The following FAM13A variants were observed in gnomAD, a reference collection of about 807,000 sequenced individuals.
FAM13A encodes family with sequence similarity 13 member A, also known as protein FAM13A.
FAM13A carries 76 observed loss-of-function variants against 129.6 expected under a neutral mutation model. The ratio of observed to expected loss-of-function variants is 0.59; its 90% CI spans 0.49 to 0.71. The LOEUF (loss-of-function observed/expected upper bound fraction) is 0.71, where lower values mean the gene tolerates loss of function less well. Among genes scored for constraint, FAM13A ranks in the 30% least tolerant of loss-of-function variants. FAM13A has a pLI of 0.00. For synonymous variants in FAM13A, 443 were observed against 449.9 expected (o/e 0.98, Z 0.20); for missense variants, 1,108 against 1,249.3 (o/e 0.89, Z 1.70).
intron 5 of FAM13A, among the ~76,000 whole-genome samples, chr4:88,920,595 T>C (rs7697878): frequency 2.6e-5 from 4 of 151,784 alleles, no homozygotes; most frequent in South Asian, 2.1e-4. Flanking sequence ...ACCACAAAGA[T>C]GGGGAAAAAA....
At chr4:88,877,464 A>C (rs1157931467) in intron 6 of FAM13A, among the ~76,000 whole-genome samples, 2 of 152,240 alleles carry the variant, frequency 1.3e-5, no homozygotes, top group African/African-American at 4.8e-5. Context: ...GAATTATTGT[A>C]GAAAGTCCTT....
intron 7 of FAM13A, among the ~76,000 whole-genome samples, chr4:88,821,855 A>C (rs1394315585): frequency 1.3e-5 from 2 of 152,188 alleles, no homozygotes; most frequent in Non-Finnish European, 2.9e-5. Context: ...TTCCCATGAC[A>C]GTGTCCTTGT....
intron 4 of FAM13A, among the ~76,000 whole-genome samples, chr4:88,943,093 A>G (rs141224404): frequency 1.9e-4 from 29 of 152,334 alleles, no homozygotes; most frequent in East Asian, 1.3e-3. Context: ...AAATCTTACA[A>G]TTATGACTTT....
intron 3 of FAM13A, among the ~76,000 whole-genome samples, chr4:89,014,288 A>G (rs536202506): frequency 6.6e-6 from 1 of 152,318 alleles, no homozygotes; most frequent in South Asian, 2.1e-4. Context: ...TTTACTTCAC[A>G]AATACCTATT....
chr4:88,968,271 C>T (rs1030333321), intron 4 of FAM13A, among the ~76,000 whole-genome samples: 1 of 152,202 alleles, frequency 6.6e-6, no homozygotes, highest in Non-Finnish European at 1.5e-5. Context: ...TTAAGAAATA[C>T]TTTTCCTCCT....
chr4:89,009,850 T>C (rs1047277598), intron 3 of FAM13A, among the ~76,000 whole-genome samples: 8 of 151,752 alleles, frequency 5.3e-5, no homozygotes, highest in Non-Finnish European at 1.2e-4. Flanking sequence ...CAAGGAAGAG[T>C]ATTTTAGGTG....
chr4:88,892,141 T>A (rs552254101), intron 6 of FAM13A, among the ~76,000 whole-genome samples: 7 of 147,298 alleles, frequency 4.8e-5, no homozygotes, highest in Non-Finnish European at 1.0e-4. Context: ...GCTGCTGCAC[T>A]CCAGCCTGGG....
chr4:89,003,592 A>G (rs1432027492), intron 3 of FAM13A, among the ~76,000 whole-genome samples: 1 of 152,010 alleles, frequency 6.6e-6, no homozygotes, highest in African/African-American at 2.4e-5. Flanking sequence ...GGAATCCCAC[A>G]CCACTGCACT....
intron 5 of FAM13A, among the ~76,000 whole-genome samples, chr4:88,921,738 TA>T (rs765198466): frequency 1.4e-4 from 22 of 152,130 alleles, no homozygotes; most frequent in Non-Finnish European, 2.5e-4. Context: ...ATGCTCCAAT[TA>T]AAAGACACAG....
At chr4:88,749,430 A>C (rs1742074506) in intron 16 of FAM13A, among the ~76,000 whole-genome samples, 1 of 152,228 alleles carries the variant, frequency 6.6e-6, no homozygotes, top group African/African-American at 2.4e-5. Flanking sequence ...CAGCAGAACG[A>C]GCTCAGTGCT....
rs575804494 is a variant in FAM13A, at chr4:88,885,078, A to C, written c.843+21301T>G. 1.3e-4 allele frequency among the ~76,000 whole-genome samples: 20 copies of C among 152,294 alleles called. No homozygotes were observed. The East Asian group carries it at 2.7e-3, about 21-fold the overall frequency. On this transcript the variant is annotated intron_variant, in intron 6 of 23. Coordinates refer to ENST00000264344, the MANE Select transcript of FAM13A (RefSeq NM_014883.4). Reference sequence around the variant, plus strand: ...TATTGTGAAAATGACCATACTGCCAAAAGCAATCTACAAATTCAATGTAAT... The same window carrying C: ...TATTGTGAAAATGACCATACTGCCACAAGCAATCTACAAATTCAATGTAAT...
At chr4:88,869,145 C>T (rs1210481224) in intron 6 of FAM13A, among the ~76,000 whole-genome samples, 1 of 152,190 alleles carries the variant, frequency 6.6e-6, no homozygotes, top group Admixed American at 6.5e-5. Flanking sequence ...TGTCTTCATC[C>T]ATTCCAGCCT....
chr4:88,840,231 C>G (rs958260462), intron 7 of FAM13A, among the ~76,000 whole-genome samples: 11 of 152,106 alleles, frequency 7.2e-5, no homozygotes, highest in Non-Finnish European at 1.5e-5. Context: ...GTAGACTGAC[C>G]TTTGGATTTG....
At chr4:88,960,209 T>G (rs1232949607) in intron 4 of FAM13A, among the ~76,000 whole-genome samples, 1 of 152,170 alleles carries the variant, frequency 6.6e-6, no homozygotes, top group Non-Finnish European at 1.5e-5. Context: ...CAAATGAAAA[T>G]GCTATAAGAA....
intron 14 of FAM13A, among the ~76,000 whole-genome samples, chr4:88,756,073 C>T (rs1019856035): frequency 6.6e-6 from 1 of 152,214 alleles, no homozygotes; most frequent in African/African-American, 2.4e-5. Context: ...TGCTTGGGAA[C>T]ATTCTAATTA....
At chr4:88,742,585 C>G (rs1285251178) in intron 19 of FAM13A, among the ~76,000 whole-genome samples, 1 of 152,166 alleles carries the variant, frequency 6.6e-6, no homozygotes, top group Non-Finnish European at 1.5e-5. Context: ...GCCAAAGGCT[C>G]AGTGATACTA....
At chr4:89,040,410 A>G (rs916392852) in intron 1 of FAM13A, among the ~76,000 whole-genome samples, 3 of 152,176 alleles carry the variant, frequency 2.0e-5, no homozygotes, top group African/African-American at 7.2e-5. Flanking sequence ...CCCAGCTAAC[A>G]AAGAGTTATA....
chr4:89,000,686 T>C (rs1398780169), intron 3 of FAM13A, among the ~76,000 whole-genome samples: 2 of 152,208 alleles, frequency 1.3e-5, no homozygotes, highest in Admixed American at 1.3e-4. Context: ...GGGTAATTTA[T>C]ATACCAATAA....
chr4:88,839,822 G>A (rs1325885442), intron 7 of FAM13A, among the ~76,000 whole-genome samples: 2 of 152,320 alleles, frequency 1.3e-5, no homozygotes, highest in African/African-American at 2.4e-5. Flanking sequence ...GCCCCCCAAC[G>A]TTGTCCTGGG....
Sources: allele counts gnomAD v4.1 joint callset (sites outside exome capture counted in the v4.1 genomes callset), GRCh38; gene constraint gnomAD v4.1.1; transcripts MANE v1.5; gene names NCBI Gene and HGNC (gene_info 2026-07-23, HGNC 2026-07-21).